Variants in TTC7B observed in about 807,000 individuals in gnomAD.
TTC7B encodes the protein tetratricopeptide repeat domain 7B, also known as tetratricopeptide repeat protein 7B.
A neutral mutation model predicts 106.8 loss-of-function variants in TTC7B; 28 were observed. The observed-to-expected ratio is 0.26, with a 90% CI of 0.19 to 0.36. TTC7B has a LOEUF of 0.36. Among genes scored for constraint, TTC7B ranks in the 10% least tolerant of loss-of-function variants. The probability of loss-of-function intolerance (pLI) is 1.00; values close to 1 mark genes in which losing one functional copy is unlikely to be tolerated. For missense variants in TTC7B, 862 were observed against 1,076.4 expected (o/e 0.80, Z 2.79); for synonymous variants, 405 against 430.6 (o/e 0.94, Z 0.74).
chr14:90,643,936 A>C, intron 15 of TTC7B, 112 bp downstream of exon 15: 1 of 1,291,608 alleles, frequency 7.7e-7, no homozygotes, highest in South Asian at 1.3e-5. Flanking sequence ...ATTTTATATT[A>C]TTGACTGCCA....
chr14:90,712,561 G>T (rs1312434161), intron 5 of TTC7B, among the ~76,000 whole-genome samples: 1 of 152,116 alleles, frequency 6.6e-6, no homozygotes, highest in East Asian at 1.9e-4. Flanking sequence ...ACTTAGGAAT[G>T]GATTTAACAG....
chr14:90,550,596 A>C (rs1890036080), intron 19 of TTC7B, among the ~76,000 whole-genome samples: 1 of 152,184 alleles, frequency 6.6e-6, no homozygotes, highest in South Asian at 2.1e-4. Context: ...TAAGAAATGA[A>C]GTCTCTTCTG....
intron 4 of TTC7B, among the ~76,000 whole-genome samples, chr14:90,734,201 T>G (rs1360065258): frequency 6.6e-6 from 1 of 152,044 alleles, no homozygotes; most frequent in African/African-American, 2.4e-5. Flanking sequence ...GGTGGATTCC[T>G]CGAGCTCAGG....
intron 5 of TTC7B, chr14:90,697,699 G>A (rs571999442): frequency 6.6e-5 from 10 of 152,270 alleles, no homozygotes; most frequent in African/African-American, 2.2e-4. Flanking sequence ...GATCAATGAC[G>A]GGTAGAGAAA....
At chr14:90,739,832 C>A (rs927295894) in intron 4 of TTC7B, among the ~76,000 whole-genome samples, 5 of 152,152 alleles carry the variant, frequency 3.3e-5, no homozygotes, top group Admixed American at 3.3e-4. Flanking sequence ...TTTCATCTGC[C>A]AACAGCAGGG....
chr14:90,798,732 A>AAAAAAAAAC (rs869302614), intron 1 of TTC7B, among the ~76,000 whole-genome samples: 5 of 147,006 alleles, frequency 3.4e-5, no homozygotes, highest in Non-Finnish European at 6.1e-5. Flanking sequence ...AAAAAAAAAA[A>AAAAAAAAAC]CACGCAATAA....
chr14:90,546,817 A>G (rs988191355), intron 19 of TTC7B, among the ~76,000 whole-genome samples: 4 of 152,176 alleles, frequency 2.6e-5, no homozygotes, highest in Non-Finnish European at 5.9e-5. Flanking sequence ...GCTCTCAAAG[A>G]GCTCGGGGTC....
chr14:90,639,530 G>A (rs1374697075), intron 15 of TTC7B, among the ~76,000 whole-genome samples: 5 of 152,272 alleles, frequency 3.3e-5, no homozygotes, highest in African/African-American at 9.6e-5. Context: ...ATATGAAGTC[G>A]GGCAGCACCA....
In TTC7B at chr14:90,629,216, C is replaced by T. The variant is rs74081247; in HGVS notation, c.1752-11171G>A. ...TATAGGATAAATTTGGAGATTCTCT[C>T]ATTTCTCTTCCCTGTTCTCAGGTTC... On this transcript the variant is annotated intron_variant, in intron 15 of 19. Transcript: ENST00000328459. Among the ~76,000 whole-genome samples the T allele has an allele frequency of 4.0e-3, 611 of 151,640 alleles. 4 individuals are homozygous for T. The highest frequency in any genetic ancestry group is 0.014 in the African/African-American group (589 of 41,340).
chr14:90,780,688 G>A (rs777677602), intron 3 of TTC7B, 50 bp downstream of exon 3: 109 of 1,580,670 alleles, frequency 6.9e-5, no homozygotes, highest in Non-Finnish European at 8.7e-5. Context: ...CCGAAGAGGC[G>A]CTGCTGGCTC....
At chr14:90,769,416 G>A (rs537792751) in intron 3 of TTC7B, among the ~76,000 whole-genome samples, 7 of 152,236 alleles carry the variant, frequency 4.6e-5, no homozygotes, top group Admixed American at 1.3e-4. Flanking sequence ...ACTATATGCC[G>A]TCTACAAGAA....
intron 5 of TTC7B, among the ~76,000 whole-genome samples, chr14:90,720,367 G>A (rs781324170): frequency 2.6e-5 from 4 of 152,176 alleles, no homozygotes; most frequent in South Asian, 2.1e-4. Flanking sequence ...AGAGTATAAC[G>A]ATCTGATTTC....
chr14:90,550,418 T>C (rs1234707600), intron 19 of TTC7B, among the ~76,000 whole-genome samples: 1 of 152,234 alleles, frequency 6.6e-6, no homozygotes, highest in Non-Finnish European at 1.5e-5. Flanking sequence ...CTTTTGTGAA[T>C]ATTCATAGCT....
At position 90,805,110 on chromosome 14, in the gene TTC7B, C is replaced by T. The variant is rs370147001; in HGVS notation, c.121+11065G>A. Among the ~76,000 whole-genome samples, 1 of 151,840 alleles carries T rather than the reference C, an allele frequency of 6.6e-6. No individual in the cohort carries two copies. Among genetic ancestry groups the T allele is most frequent in the Non-Finnish European group, 1.5e-5 (1 of 67,922 alleles). On this transcript the variant is annotated intron_variant, in intron 1 of 19. Transcript: ENST00000328459. This position sits in a 1 kb window ranked among gnomAD's most constrained non-coding sequence, Gnocchi z 4.0. The stretch of plus-strand genomic sequence containing the variant: ...GGCGTGGGACCAGGTCTCGGGTGGA[C>T]GCCCACAGCCACTCCCAGTCCTGAG...
intron 19 of TTC7B, chr14:90,567,610 G>A (rs1890853088): frequency 6.6e-6 from 1 of 152,266 alleles, no homozygotes; most frequent in South Asian, 2.1e-4. Flanking sequence ...TCTCAAGAAG[G>A]CAGGTGCTAG....
chr14:90,642,284 G>A (rs1019547332), intron 15 of TTC7B, among the ~76,000 whole-genome samples: 1 of 152,198 alleles, frequency 6.6e-6, no homozygotes, highest in African/African-American at 2.4e-5. Context: ...TCGATGGGAA[G>A]AAGTGCCCTT....
intron 1 of TTC7B, among the ~76,000 whole-genome samples, chr14:90,806,707 G>T (rs1057337664): frequency 4.6e-5 from 7 of 152,140 alleles, no homozygotes; most frequent in Non-Finnish European, 1.0e-4. Flanking sequence ...AGGAGTTCGA[G>T]ACCAGCCTGG....
chr14:90,695,082 TTTA>T (rs1887674134), intron 6 of TTC7B, among the ~76,000 whole-genome samples: 1 of 137,418 alleles, frequency 7.3e-6, no homozygotes, highest in Non-Finnish European at 1.5e-5. Context: ...TATATTTTAT[TTTA>T]TTATAAAATA....
chr14:90,595,951 C>T (rs57882673), intron 17 of TTC7B, among the ~76,000 whole-genome samples: 3,908 of 152,206 alleles, frequency 0.026, 170 homozygotes, highest in African/African-American at 0.087. Flanking sequence ...GCAGCACAAG[C>T]GTCACCTGGG....
Sources: gnomAD v4.1 joint callset for allele counts (sites outside exome capture counted in the v4.1 genomes callset) on GRCh38, gnomAD v4.1.1 for gene constraint, Gnocchi (gnomAD v3.1) non-coding constraint, MANE v1.5 for transcripts, NCBI Gene and HGNC (gene_info 2026-07-23, HGNC 2026-07-21) for gene names.